Variants in TRAPPC13 observed in about 807,000 individuals in gnomAD.
TRAPPC13 encodes trafficking protein particle complex subunit 13.
Under a neutral mutation model 54.0 loss-of-function variants are expected in TRAPPC13, and 39 were observed. That is an observed-to-expected ratio of 0.72 (90% CI 0.56 to 0.94). TRAPPC13 has a LOEUF of 0.94. TRAPPC13 is among the 40% of genes least tolerant of loss of function. The probability of loss-of-function intolerance (pLI) is 0.00; values close to 1 mark genes in which losing one functional copy is unlikely to be tolerated. For synonymous variants in TRAPPC13, 148 were observed against 167.7 expected (o/e 0.88, Z 0.91); for missense variants, 386 against 488.1 (o/e 0.79, Z 1.97).
chr5:65,651,364 G>C (rs1756425389), intron 6 of TRAPPC13, among the ~76,000 whole-genome samples: 1 of 152,146 alleles, frequency 6.6e-6, no homozygotes, highest in Non-Finnish European at 1.5e-5. Flanking sequence ...TTGGTCAACA[G>C]AACAAGACTC....
intron 5 of TRAPPC13, among the ~76,000 whole-genome samples, chr5:65,650,437 C>CA (rs1394409787): frequency 6.6e-6 from 1 of 152,150 alleles, no homozygotes; most frequent in African/African-American, 2.4e-5. Flanking sequence ...GCTAGGATTA[C>CA]AGGCATGAAC....
intron 5 of TRAPPC13, among the ~76,000 whole-genome samples, chr5:65,650,157 C>CT (rs34093188): frequency 0.014 from 1,111 of 78,090 alleles, 36 homozygotes; most frequent in African/African-American, 0.045. Context: ...CACACCTGGC[C>CT]TTTTTTTTTT....
intron 7 of TRAPPC13, among the ~76,000 whole-genome samples, chr5:65,654,264 T>C (rs930564549): frequency 2.6e-5 from 4 of 152,214 alleles, no homozygotes; most frequent in Non-Finnish European, 4.4e-5. Context: ...GATTTTTCAT[T>C]ATACATACTC....
At chr5:65,630,520 A>AT in intron 1 of TRAPPC13, 1 of 1,311,116 alleles carries the variant, frequency 7.6e-7, no homozygotes, top group East Asian at 2.9e-5. Context: ...AATGTGATAA[A>AT]TTATTGTTTA....
Position 65,653,936 on chromosome 5 carries a change from C to CT in TRAPPC13, c.546+1392dup, listed in dbSNP as rs573539226. 2.6e-5 allele frequency among the ~76,000 whole-genome samples: 4 copies of CT among 152,126 alleles called. No individual in the cohort carries two copies. The South Asian group carries it at 8.3e-4, about 32-fold the overall frequency. On this transcript the variant is annotated intron_variant, in intron 7 of 12. Coordinates refer to ENST00000399438, the MANE Select transcript of TRAPPC13 (RefSeq NM_024941.4). Reference sequence around the variant, plus strand: ...GTCAGCATGGTGAGATTTAAATAGTCTAATTTTTGCTGGAAAAGATTTCAT... The same window carrying CT: ...GTCAGCATGGTGAGATTTAAATAGTCTTAATTTTTGCTGGAAAAGATTTCAT...
At chr5:65,639,137 C>T (rs1755872951) in intron 4 of TRAPPC13, among the ~76,000 whole-genome samples, 1 of 152,024 alleles carries the variant, frequency 6.6e-6, no homozygotes, top group South Asian at 2.1e-4. Flanking sequence ...TATTCACCGT[C>T]ATGAGAACAG....
intron 8 of TRAPPC13, among the ~76,000 whole-genome samples, chr5:65,656,691 A>G (rs538972156): frequency 6.6e-6 from 1 of 151,800 alleles, no homozygotes; most frequent in East Asian, 2.0e-4. Context: ...GCGGATCACG[A>G]GGTCAGGAGT....
chr5:65,654,919 A>T (rs1162746007), intron 7 of TRAPPC13, among the ~76,000 whole-genome samples: 2 of 152,204 alleles, frequency 1.3e-5, no homozygotes, highest in Non-Finnish European at 2.9e-5. Flanking sequence ...GGAGACTGAC[A>T]TGATGCAACT....
At chr5:65,635,477 G>T in intron 2 of TRAPPC13, 108 bp downstream of exon 2, 1 of 864,562 alleles carries the variant, frequency 1.2e-6, no homozygotes, top group African/African-American at 1.7e-5. Flanking sequence ...CTAACCATTT[G>T]CTGGATTCTT....
chr5:65,660,944 G>A, intron 10 of TRAPPC13, 47 bp downstream of exon 10: 1 of 1,496,402 alleles, frequency 6.7e-7, no homozygotes, highest in Non-Finnish European at 9.0e-7. Context: ...GTGAAAGACA[G>A]GTAGTTAGAA....
intron 1 of TRAPPC13, among the ~76,000 whole-genome samples, chr5:65,631,692 G>A (rs1300645766): frequency 6.6e-6 from 1 of 152,060 alleles, no homozygotes; most frequent in Non-Finnish European, 1.5e-5. Context: ...TTGCTGCAAA[G>A]GCCATAATCT....
At chr5:65,644,102 T>C (rs1266127880) in intron 4 of TRAPPC13, among the ~76,000 whole-genome samples, 7 of 152,228 alleles carry the variant, frequency 4.6e-5, no homozygotes, top group African/African-American at 1.7e-4. Flanking sequence ...TATGTTGTTT[T>C]TGAGAGGATT....
At chr5:65,636,927 A>G (rs1755770080) in intron 3 of TRAPPC13, among the ~76,000 whole-genome samples, 1 of 152,226 alleles carries the variant, frequency 6.6e-6, no homozygotes. Context: ...AAAAAGTATA[A>G]AACTAAAATA....
At position 65,646,305 on chromosome 5, in the gene TRAPPC13, G is replaced by A. The variant is rs537934522; in HGVS notation, c.301-750G>A. On this transcript the variant is annotated intron_variant, in intron 4 of 12. Coordinates refer to ENST00000399438, the MANE Select transcript of TRAPPC13 (RefSeq NM_024941.4). ...ATGAGGTAGTGCTTTCTTAGTTGGT[G>A]GCTTTAATGTCATTTTCTAGTTCTC... 4.6e-5 allele frequency among the ~76,000 whole-genome samples: 7 copies of A among 152,232 alleles called. No individual in the cohort carries two copies. The South Asian group carries it at 1.2e-3, about 27-fold the overall frequency.
chr5:65,629,581 C>T (rs1755432852), intron 1 of TRAPPC13: 1 of 1,518,362 alleles, frequency 6.6e-7, no homozygotes, highest in South Asian at 1.2e-5. Flanking sequence ...AACTGGATTA[C>T]TGCAGAATGA....
chr5:65,651,769 GA>G (rs547234644), intron 6 of TRAPPC13, among the ~76,000 whole-genome samples: 169 of 143,964 alleles, frequency 1.2e-3, no homozygotes, highest in Non-Finnish European at 1.7e-3. Context: ...TATTCATAGG[GA>G]AAAAAAATCT....
chr5:65,664,619 T>G lies in TRAPPC13; in HGVS notation c.*8T>G, dbSNP rs757996543. 3.1e-6 allele frequency: 5 copies of G among 1,602,414 alleles called. No homozygotes were observed. In the East Asian group the frequency reaches 8.9e-5, roughly 29 times the overall value. The stretch of plus-strand genomic sequence containing the variant: ...ATTAAAGTGGAAAGCTGAAGGAAAC[T>G]TCCAATGTTAGGCTTTTCATTTAGT... On this transcript the variant is annotated 3_prime_UTR_variant, in exon 13 of 13. Transcript: ENST00000399438.
rs181040050 is a variant in TRAPPC13 at position 65,650,787 on chromosome 5, G to A, written c.429-23G>A. On this transcript the variant is annotated intron_variant, in intron 5 of 12. Coordinates refer to ENST00000399438, the MANE Select transcript of TRAPPC13 (RefSeq NM_024941.4). ...TTAAAATTAAAAATGACTCAGAATC[G>A]TTAAGACATCTTTCTGTTTCAGCTT... The A allele has an allele frequency of 2.0e-3, 3,133 of 1,600,384 alleles. 7 individuals are homozygous for A. Among genetic ancestry groups the A allele is most frequent in the Middle Eastern group, 2.5e-3 (13 of 5,146 alleles).
intron 1 of TRAPPC13, among the ~76,000 whole-genome samples, chr5:65,633,416 G>A (rs1386867207): frequency 2.0e-5 from 3 of 152,054 alleles, no homozygotes; most frequent in Non-Finnish European, 4.4e-5. Flanking sequence ...GAGTAGCTGG[G>A]ACTACAGGCG....
Sources: allele counts gnomAD v4.1 joint callset (sites outside exome capture counted in the v4.1 genomes callset), GRCh38; gene constraint gnomAD v4.1.1; transcripts MANE v1.5; gene names NCBI Gene and HGNC (gene_info 2026-07-23, HGNC 2026-07-21).